Variants in UBAP2 observed in about 807,000 individuals in gnomAD.
UBAP2 encodes the protein ubiquitin-associated protein 2.
In UBAP2, 75 loss-of-function variants were observed where a neutral mutation model predicts 139.6. The ratio of observed to expected loss-of-function variants is 0.54; its 90% CI spans 0.45 to 0.65. The LOEUF is 0.65. UBAP2 is among the 30% of genes least tolerant of loss of function. The pLI is 0.00. For missense variants in UBAP2, 1,368 were observed against 1,369.6 expected (o/e 1.00, Z 0.02); for synonymous variants, 526 against 526.2 (o/e 1.00, Z 0.01).
rs540794675 is a variant in UBAP2, at chr9:33,993,928, A to T, written c.288+2295T>A. On this transcript the variant is annotated intron_variant, in intron 4 of 28. Transcript: ENST00000379238. ...TTTTTTTTTTGAGACCGAGTCTCGCACTGTCGCCTGGGCTGGAGTGCAATG... is the reference window on the plus strand; with the variant it reads ...TTTTTTTTTTGAGACCGAGTCTCGCTCTGTCGCCTGGGCTGGAGTGCAATG... Among the ~76,000 whole-genome samples the T allele has an allele frequency of 1.5e-5, 2 of 135,448 alleles. 1 individual carries two copies. The highest frequency in any genetic ancestry group is 5.5e-5 in the African/African-American group (2 of 36,446). The allele number at this position is 135,448 out of a possible 152,430, so 88.9% of individuals were successfully genotyped here.
At chr9:33,990,638 T>A in intron 4 of UBAP2, among the ~76,000 whole-genome samples, 1 of 698 alleles carries the variant, frequency 1.4e-3, no homozygotes, top group East Asian at 0.01. Context: ...TACCCCCCAA[T>A]TTTTTTTTTT....
chr9:33,933,610 G>T lies in UBAP2; in HGVS notation c.1988C>A (p.Pro663His). The change falls in exon 18 of 29, where the codon CCT becomes CAT. Residue 663 changes from proline (P) to histidine (H), a missense_variant. Physicochemically the swap from Pro to His is moderately conservative, Grantham distance 77. Transcript: ENST00000379238. ...QTLDTPKTTG[P>H]PSALPSVSSL... is the part of the protein sequence containing the mutation. ...GCTCACAGACGGGAGGGCAGAGGGAGGGCCTGTTGTCTTTGGAGCTGGAAC... is the reference window on the plus strand; with the variant it reads ...GCTCACAGACGGGAGGGCAGAGGGATGGCCTGTTGTCTTTGGAGCTGGAAC... The T allele has an allele frequency of 6.2e-7, 1 of 1,613,918 alleles. No homozygotes were observed. The highest frequency in any genetic ancestry group is 1.1e-5 in the South Asian group (1 of 91,082).
chr9:33,941,177 G>C (rs1044969596), intron 16 of UBAP2, among the ~76,000 whole-genome samples: 1 of 152,136 alleles, frequency 6.6e-6, no homozygotes, highest in African/African-American at 2.4e-5. Context: ...ATCTAGAAGG[G>C]TAAAACTTTA....
intron 1 of UBAP2, among the ~76,000 whole-genome samples, chr9:34,017,517 C>A (rs1426263505): frequency 2.0e-5 from 3 of 152,202 alleles, no homozygotes; most frequent in East Asian, 3.9e-4. Flanking sequence ...TATTTGAACC[C>A]CAAAACAACA....
At chr9:34,024,986 C>CAA (rs377732672) in intron 1 of UBAP2, among the ~76,000 whole-genome samples, 1 of 137,048 alleles carries the variant, frequency 7.3e-6, no homozygotes, top group Non-Finnish European at 1.6e-5. Flanking sequence ...TCTGTCTCCC[C>CAA]AAAAAAAAAA....
At chr9:33,997,035 C>G (rs898862300) in intron 3 of UBAP2, 2 of 151,948 alleles carry the variant, frequency 1.3e-5, no homozygotes, top group African/African-American at 4.8e-5. Context: ...CCTGTCTCCC[C>G]CCTCAAAAAA....
rs542142661 is a variant in UBAP2, at chr9:33,982,970, C to T, written c.520+3790G>A. ...TCTCGGCTCACAGCAACCTCCGCCTCCCAGGTTCAAGCAATTCTCTGCCCC... is the reference window on the plus strand; with the variant it reads ...TCTCGGCTCACAGCAACCTCCGCCTTCCAGGTTCAAGCAATTCTCTGCCCC... On this transcript the variant is annotated intron_variant, in intron 6 of 28. Coordinates refer to ENST00000379238, the MANE Select transcript of UBAP2 (RefSeq NM_001370062.2). Among the ~76,000 whole-genome samples the T allele has an allele frequency of 2.4e-3, 371 of 151,714 alleles. 2 individuals carry two copies. The highest frequency in any genetic ancestry group is 4.0e-3 in the Admixed American group (61 of 15,236).
chr9:33,960,110 T>A (rs780482546), intron 10 of UBAP2, among the ~76,000 whole-genome samples: 21 of 151,920 alleles, frequency 1.4e-4, no homozygotes, highest in East Asian at 3.8e-4. Flanking sequence ...TTTTATTATT[T>A]TTTTTTTTGT....
intron 5 of UBAP2, among the ~76,000 whole-genome samples, chr9:33,988,719 G>T (rs576776635): frequency 1.3e-5 from 2 of 152,168 alleles, no homozygotes; most frequent in South Asian, 4.1e-4. Context: ...CATGGGAGGC[G>T]CTTATGAAAC....
chr9:34,007,150 A>G (rs1823290189), intron 2 of UBAP2, among the ~76,000 whole-genome samples: 1 of 152,162 alleles, frequency 6.6e-6, no homozygotes, highest in Non-Finnish European at 1.5e-5. Context: ...TTTGCAATCT[A>G]GACCCCTTTA....
At chr9:33,931,890 TC>T (rs1330193570) in intron 19 of UBAP2, among the ~76,000 whole-genome samples, 1 of 152,110 alleles carries the variant, frequency 6.6e-6, no homozygotes, top group African/African-American at 2.4e-5. Flanking sequence ...TTTTTGTTAA[TC>T]CAGGCACCTT....
intron 2 of UBAP2, among the ~76,000 whole-genome samples, chr9:34,016,815 C>G (rs2131277526): frequency 6.6e-6 from 1 of 152,194 alleles, no homozygotes; most frequent in Middle Eastern, 3.4e-3. Context: ...ACCTCGGCCT[C>G]CCAAAGTGCT....
chr9:34,031,482 A>G (rs892647369), intron 1 of UBAP2, among the ~76,000 whole-genome samples: 1 of 151,846 alleles, frequency 6.6e-6, no homozygotes, highest in African/African-American at 2.4e-5. Context: ...TAATTTTTGT[A>G]TTTTTAGTAG....
intron 1 of UBAP2, among the ~76,000 whole-genome samples, chr9:34,034,513 T>TA (rs1328144757): frequency 6.6e-6 from 1 of 152,142 alleles, no homozygotes; most frequent in Non-Finnish European, 1.5e-5. Flanking sequence ...TTAATCCAAA[T>TA]ACAAAATTCC....
chr9:33,983,872 G>C (rs1390194790), intron 6 of UBAP2, among the ~76,000 whole-genome samples: 1 of 152,066 alleles, frequency 6.6e-6, no homozygotes, highest in Non-Finnish European at 1.5e-5. Context: ...TTTACTATGT[G>C]GCATATGACA....
intron 1 of UBAP2, among the ~76,000 whole-genome samples, chr9:34,034,569 A>G (rs533650908): frequency 6.6e-6 from 1 of 152,164 alleles, no homozygotes; most frequent in East Asian, 1.9e-4. Context: ...CCACATCCTT[A>G]TATGTCTAAA....
At chr9:33,979,978 C>A (rs1820494363) in intron 6 of UBAP2, among the ~76,000 whole-genome samples, 1 of 151,758 alleles carries the variant, frequency 6.6e-6, no homozygotes, top group Non-Finnish European at 1.5e-5. Context: ...GAGGCTAAGG[C>A]AGGAGAATTG....
At chr9:33,983,099 C>T (rs535440260) in intron 6 of UBAP2, among the ~76,000 whole-genome samples, 3 of 152,052 alleles carry the variant, frequency 2.0e-5, no homozygotes, top group South Asian at 2.1e-4. Context: ...AGGCTGGTCT[C>T]GAACTCCTGA....
intron 1 of UBAP2, among the ~76,000 whole-genome samples, chr9:34,035,514 A>AAAAAAAAAAAAAAAGATATAT: frequency 4.4e-5 from 1 of 22,474 alleles, no homozygotes; most frequent in African/African-American, 1.3e-4. Flanking sequence ...AAAAAAAAAA[A>AAAAAAAAAAAAAAAGATATAT]ATATATATAT....
Sources: allele counts gnomAD v4.1 joint callset (sites outside exome capture counted in the v4.1 genomes callset), GRCh38; gene constraint gnomAD v4.1.1; transcripts MANE v1.5; gene names NCBI Gene and HGNC (gene_info 2026-07-23, HGNC 2026-07-21).